Variants in ITGA9 observed in about 807,000 individuals in gnomAD.
ITGA9 encodes integrin subunit alpha 9, also known as integrin alpha-9.
Under a neutral mutation model 127.8 loss-of-function variants are expected in ITGA9, and 56 were observed. The ratio of observed to expected loss-of-function variants is 0.44; its 90% CI spans 0.35 to 0.55. The LOEUF is 0.55. ITGA9 is among the 20% of genes least tolerant of loss of function. The pLI, the probability that ITGA9 is intolerant of heterozygous loss-of-function variation, is 0.00. For missense variants in ITGA9, 1,196 were observed against 1,347.1 expected, an observed-to-expected ratio of 0.89 and a Z score of 1.76; for synonymous variants, 508 against 514.5, an observed-to-expected ratio of 0.99 and a Z score of 0.17.
At chr3:37,628,468 C>A (rs1482084421) in intron 15 of ITGA9, among the ~76,000 whole-genome samples, 1 of 152,192 alleles carries the variant, frequency 6.6e-6, no homozygotes, top group Admixed American at 6.5e-5. Flanking sequence ...CTGAGCCTTT[C>A]ATTTCCCCTT....
At chr3:37,599,397 A>G (rs1327079386) in intron 15 of ITGA9, among the ~76,000 whole-genome samples, 3 of 152,206 alleles carry the variant, frequency 2.0e-5, no homozygotes, top group Non-Finnish European at 2.9e-5. Context: ...GCCTATCATC[A>G]TCCAGCAGGC....
At chr3:37,560,644 C>G (rs550493869) in intron 15 of ITGA9, among the ~76,000 whole-genome samples, 1 of 152,188 alleles carries the variant, frequency 6.6e-6, no homozygotes, top group African/African-American at 2.4e-5. Flanking sequence ...GATCACCATT[C>G]TAACTGGCAT....
At chr3:37,579,843 A>G (rs1326004586) in intron 15 of ITGA9, among the ~76,000 whole-genome samples, 1 of 152,160 alleles carries the variant, frequency 6.6e-6, no homozygotes, top group East Asian at 1.9e-4. Context: ...TCTTTGTTCA[A>G]TTGATTCAGA....
chr3:37,633,299 C>A (rs957379612), intron 16 of ITGA9, among the ~76,000 whole-genome samples: 2 of 152,122 alleles, frequency 1.3e-5, no homozygotes, highest in African/African-American at 4.8e-5. Context: ...TACAGATTCT[C>A]CTTGACTCAC....
chr3:37,658,308 G>A (rs1456602644), intron 17 of ITGA9, among the ~76,000 whole-genome samples: 1 of 152,118 alleles, frequency 6.6e-6, no homozygotes, highest in Non-Finnish European at 1.5e-5. Flanking sequence ...CACTATTATT[G>A]TGTGGGAGTC....
chr3:37,525,943 C>G, intron 12 of ITGA9, 83 bp from the exon 13 acceptor site: 1 of 1,147,068 alleles, frequency 8.7e-7, no homozygotes, highest in South Asian at 1.2e-5. Flanking sequence ...GGCTGGGTCT[C>G]CATCCTTGTG....
Position 37,785,096 on chromosome 3 carries a change from G to C in ITGA9, c.2889+18G>C. 6.4e-7 allele frequency: 1 copy of C among 1,560,230 alleles called. No individual in the cohort carries two copies. Among genetic ancestry groups the C allele is most frequent in the African/African-American group, 1.4e-5 (1 of 73,914 alleles). The stretch of plus-strand genomic sequence containing the variant: ...AGGTGACGGTGAGTCAGCCACCCCA[G>C]GACAGCCCTCCTCAGAGGGCAAGGG... On this transcript the variant is annotated intron_variant, in intron 26 of 27. Transcript: ENST00000264741.
At chr3:37,588,735 G>A (rs1373249806) in intron 15 of ITGA9, among the ~76,000 whole-genome samples, 2 of 152,232 alleles carry the variant, frequency 1.3e-5, no homozygotes, top group East Asian at 3.8e-4. Context: ...TGCCAAGTCA[G>A]AGGATGAAAG....
chr3:37,511,985 TTTCTTTTCTTTTCTTTTC>T (rs1382418914), intron 8 of ITGA9, among the ~76,000 whole-genome samples: 1 of 21,598 alleles, frequency 4.6e-5, no homozygotes, highest in Non-Finnish European at 1.6e-4. Flanking sequence ...TTTCTTTTCT[TTTCTTTTCTTTTCTTTTC>T]TTTTCTTTTC....
chr3:37,457,550 T>C (rs552023146), intron 1 of ITGA9, among the ~76,000 whole-genome samples: 1 of 152,362 alleles, frequency 6.6e-6, no homozygotes, highest in East Asian at 1.9e-4. Flanking sequence ...TCCTCTGTCC[T>C]GTGCCAGACT....
intron 23 of ITGA9, among the ~76,000 whole-genome samples, chr3:37,759,842 T>C (rs1055761161): frequency 5.3e-5 from 8 of 149,994 alleles, no homozygotes; most frequent in African/African-American, 1.5e-4. Context: ...GAAGCAGAGA[T>C]TGCAGTAAGC....
intron 18 of ITGA9, among the ~76,000 whole-genome samples, chr3:37,731,729 GATT>G (rs1358185761): frequency 8.5e-5 from 13 of 152,050 alleles, no homozygotes; most frequent in African/African-American, 2.9e-4. Flanking sequence ...TAGCCCCATA[GATT>G]ATTTACCTTT....
intron 15 of ITGA9, among the ~76,000 whole-genome samples, chr3:37,559,353 C>T (rs886899018): frequency 7.9e-5 from 12 of 152,104 alleles, no homozygotes; most frequent in African/African-American, 2.7e-4. Context: ...TGGATAATCT[C>T]GCTCCTTGGG....
At chr3:37,672,879 A>G (rs1575187814) in intron 17 of ITGA9, among the ~76,000 whole-genome samples, 1 of 151,870 alleles carries the variant, frequency 6.6e-6, no homozygotes, top group Admixed American at 6.5e-5. Flanking sequence ...TGGGTACAAT[A>G]TTCTTTTTTA....
At chr3:37,741,187 G>T (rs964064730) in intron 20 of ITGA9, among the ~76,000 whole-genome samples, 2 of 152,160 alleles carry the variant, frequency 1.3e-5, no homozygotes, top group African/African-American at 4.8e-5. Flanking sequence ...GGCAGATTCC[G>T]GCTCCCAGCA....
chr3:37,693,857 T>G (rs745952271), intron 18 of ITGA9, among the ~76,000 whole-genome samples: 1 of 152,202 alleles, frequency 6.6e-6, no homozygotes, highest in Non-Finnish European at 1.5e-5. Context: ...GGACTGATTT[T>G]CATTGTGTTC....
At position 37,457,919 on chromosome 3, in the gene ITGA9, C is replaced by T. The variant is rs567557580; in HGVS notation, c.185+5360C>T. 5.9e-5 allele frequency among the ~76,000 whole-genome samples: 9 copies of T among 152,252 alleles called. No homozygotes were observed. In the South Asian group the frequency reaches 6.2e-4, roughly 11 times the overall value. On this transcript the variant is annotated intron_variant, in intron 1 of 27. Coordinates refer to ENST00000264741, the MANE Select transcript of ITGA9 (RefSeq NM_002207.3). ...CCCTGAGTGTGAGAGTGTGAAGGGC[C>T]GGGCCCCAGCCAGCTCTGATTCCCT...
chr3:37,527,039 C>T (rs166507), intron 13 of ITGA9, among the ~76,000 whole-genome samples: 20,492 of 152,234 alleles, frequency 0.13, 1,892 homozygotes, highest in Admixed American at 0.28. Context: ...GCCAGGTGGC[C>T]GGGTTCCAGC....
At chr3:37,552,083 CTG>C (rs1678052592) in intron 15 of ITGA9, among the ~76,000 whole-genome samples, 1 of 152,202 alleles carries the variant, frequency 6.6e-6, no homozygotes, top group South Asian at 2.1e-4. Context: ...TCCCTTCGTG[CTG>C]TGTGTCACAA....
Sources: gnomAD v4.1 joint callset for allele counts (sites outside exome capture counted in the v4.1 genomes callset) on GRCh38, gnomAD v4.1.1 for gene constraint, MANE v1.5 for transcripts, NCBI Gene and HGNC (gene_info 2026-07-23, HGNC 2026-07-21) for gene names.